The following CNBD1 variants were observed in gnomAD, a reference collection of about 807,000 sequenced individuals.
The protein encoded by CNBD1 is cyclic nucleotide binding domain containing 1, also known as cyclic nucleotide-binding domain-containing protein 1.
A neutral mutation model predicts 54.4 loss-of-function variants in CNBD1; 71 were observed. The observed-to-expected ratio is 1.30, with a 90% CI of 1.08 to 1.59. CNBD1 has a LOEUF of 1.59. Ranked by LOEUF, CNBD1 falls within the 40% of genes most tolerant of loss-of-function variation. The probability of loss-of-function intolerance (pLI) is 0.00; values close to 1 mark genes in which losing one functional copy is unlikely to be tolerated. For missense variants in CNBD1, 659 were observed against 518.0 expected, an observed-to-expected ratio of 1.27 and a Z score of -2.64; for synonymous variants, 182 against 170.7, an observed-to-expected ratio of 1.07 and a Z score of -0.51.
chr8:87,086,491 A>G (rs1411279913), intron 4 of CNBD1, among the ~76,000 whole-genome samples: 3 of 152,224 alleles, frequency 2.0e-5, no homozygotes, highest in African/African-American at 7.2e-5. Context: ...AGAAGTAGAA[A>G]AAGAAAGTAT....
chr8:87,021,214 G>C (rs1809481584), intron 4 of CNBD1, among the ~76,000 whole-genome samples: 1 of 151,924 alleles, frequency 6.6e-6, no homozygotes. Context: ...ACTCATATTT[G>C]GTTCAGAATA....
intron 4 of CNBD1, among the ~76,000 whole-genome samples, chr8:87,017,011 G>A (rs1201162945): frequency 6.6e-6 from 1 of 152,002 alleles, no homozygotes; most frequent in African/African-American, 2.4e-5. Context: ...TTTTACATGG[G>A]TACCCCTCCC....
intron 3 of CNBD1, among the ~76,000 whole-genome samples, chr8:86,937,340 G>A (rs1809567191): frequency 6.6e-6 from 1 of 152,122 alleles, no homozygotes; most frequent in South Asian, 2.1e-4. Flanking sequence ...ATTCAAGATG[G>A]GATTTGGGTG....
Position 87,064,324 on chromosome 8 carries a change from T to C in CNBD1, c.431+124570T>C, listed in dbSNP as rs149765659. Among the ~76,000 whole-genome samples the C allele has an allele frequency of 3.3e-3, 501 of 152,108 alleles. 6 individuals are homozygous for C. Among genetic ancestry groups the C allele is most frequent in the Non-Finnish European group, 4.8e-3 (324 of 67,876 alleles). On this transcript the variant is annotated intron_variant, in intron 4 of 10. Transcript: ENST00000518476. Reference sequence around the variant, plus strand: ...TGTTATCTTTTGTATATTTTTATTATATGGTTATCCAATTTTCAGCTTAAA... The same window carrying C: ...TGTTATCTTTTGTATATTTTTATTACATGGTTATCCAATTTTCAGCTTAAA...
chr8:86,972,390 G>T (rs190573732), intron 4 of CNBD1, among the ~76,000 whole-genome samples: 1 of 152,180 alleles, frequency 6.6e-6, no homozygotes, highest in African/African-American at 2.4e-5. Flanking sequence ...GAAGAAAAAT[G>T]TAAGAGTAGA....
At chr8:87,320,625 G>GC (rs951790007) in intron 8 of CNBD1, among the ~76,000 whole-genome samples, 2 of 147,316 alleles carry the variant, frequency 1.4e-5, no homozygotes, top group African/African-American at 5.1e-5. Context: ...TGTGTGGGGG[G>GC]GCGGCTCAGG....
intron 6 of CNBD1, among the ~76,000 whole-genome samples, chr8:87,281,541 G>GATATAT (rs57434544): frequency 1.0e-5 from 1 of 95,908 alleles, no homozygotes; most frequent in African/African-American, 3.8e-5. Context: ...TCTAGGCTAA[G>GATATAT]ATATATATAT....
chr8:87,285,663 G>A (rs1264882060), intron 7 of CNBD1, among the ~76,000 whole-genome samples: 2 of 152,142 alleles, frequency 1.3e-5, no homozygotes, highest in Non-Finnish European at 2.9e-5. Context: ...CTGAGGTCGA[G>A]AGTTCGAGAC....
intron 4 of CNBD1, among the ~76,000 whole-genome samples, chr8:87,125,684 TAAC>T (rs1811977116): frequency 6.6e-6 from 1 of 151,872 alleles, no homozygotes; most frequent in African/African-American, 2.4e-5. Context: ...TGAGGTATAA[TAAC>T]CAAACAATAG....
At chr8:87,423,742 T>C (rs1181653898) in intron 2 of CNBD1, among the ~76,000 whole-genome samples, 2 of 151,630 alleles carry the variant, frequency 1.3e-5, no homozygotes, top group African/African-American at 4.9e-5. Flanking sequence ...ATTCTCTTTT[T>C]TGGTTGTGTC....
At chr8:87,341,027 G>A (rs189079646) in intron 8 of CNBD1, among the ~76,000 whole-genome samples, 12 of 151,944 alleles carry the variant, frequency 7.9e-5, no homozygotes, top group East Asian at 7.7e-4. Context: ...TCATACATAC[G>A]TTCATACAGG....
chr8:86,987,994 G>T (rs181310795), intron 4 of CNBD1, among the ~76,000 whole-genome samples: 1 of 152,218 alleles, frequency 6.6e-6, no homozygotes. Flanking sequence ...TTTGGTATCA[G>T]GCTGACGCTA....
intron 8 of CNBD1, among the ~76,000 whole-genome samples, chr8:87,335,056 C>T (rs1181387849): frequency 1.3e-5 from 2 of 152,106 alleles, no homozygotes; most frequent in Non-Finnish European, 2.9e-5. Context: ...AATTTGATTG[C>T]ACTATGGTCT....
chr8:87,107,991 A>G (rs1811577211), intron 4 of CNBD1, among the ~76,000 whole-genome samples: 1 of 152,204 alleles, frequency 6.6e-6, no homozygotes, highest in Admixed American at 6.5e-5. Context: ...TGTTTCATTT[A>G]GAAATGAAAT....
chr8:87,373,866 G>T (rs1009849764), intron 10 of CNBD1, among the ~76,000 whole-genome samples: 2 of 151,412 alleles, frequency 1.3e-5, no homozygotes. Flanking sequence ...GTCTATGCCT[G>T]TACAAATGTA....
At chr8:87,233,592 C>T (rs1043160815) in intron 5 of CNBD1, among the ~76,000 whole-genome samples, 1 of 152,104 alleles carries the variant, frequency 6.6e-6, no homozygotes, top group Admixed American at 6.6e-5. Context: ...GCTGGCTATT[C>T]AGGCTGGAGG....
At chr8:87,025,555 C>T (rs1419358280) in intron 4 of CNBD1, among the ~76,000 whole-genome samples, 1 of 151,664 alleles carries the variant, frequency 6.6e-6, no homozygotes, top group Admixed American at 6.6e-5. Flanking sequence ...ATCAGCGAGA[C>T]CGCGAACCCA....
intron 4 of CNBD1, among the ~76,000 whole-genome samples, chr8:87,070,159 C>G (rs947045361): frequency 6.6e-6 from 1 of 152,138 alleles, no homozygotes; most frequent in African/African-American, 2.4e-5. Context: ...AAAGATCCTT[C>G]TTCCATTGTC....
At chr8:87,149,876 G>A (rs1264922486) in intron 4 of CNBD1, among the ~76,000 whole-genome samples, 8 of 151,980 alleles carry the variant, frequency 5.3e-5, no homozygotes. Context: ...AATTAATAAG[G>A]AAAAATAATA....
Sources: allele counts gnomAD v4.1 joint callset (sites outside exome capture counted in the v4.1 genomes callset), GRCh38; gene constraint gnomAD v4.1.1; transcripts MANE v1.5; gene names NCBI Gene and HGNC (gene_info 2026-07-23, HGNC 2026-07-21).